The following CDH6 variants were observed in gnomAD, a reference collection of about 807,000 sequenced individuals.
CDH6 encodes cadherin 6.
A neutral mutation model predicts 78.0 loss-of-function variants in CDH6; 31 were observed. That is an observed-to-expected ratio of 0.40 (90% CI 0.30 to 0.54). The LOEUF is 0.54. Among genes scored for constraint, CDH6 ranks in the 20% least tolerant of loss-of-function variants. The pLI is 0.56. For synonymous variants in CDH6, 376 were observed against 368.8 expected (o/e 1.02, Z -0.23); for missense variants, 724 against 975.9 (o/e 0.74, Z 3.44).
At chr5:31,310,356 C>A (rs1257471209) in intron 7 of CDH6, among the ~76,000 whole-genome samples, 1 of 152,258 alleles carries the variant, frequency 6.6e-6, no homozygotes, top group Non-Finnish European at 1.5e-5. Flanking sequence ...CCTTGGGCAG[C>A]TCCATTCCTG....
chr5:31,258,720 C>G (rs1742126335), intron 1 of CDH6, among the ~76,000 whole-genome samples: 2 of 151,990 alleles, frequency 1.3e-5, no homozygotes, highest in South Asian at 2.1e-4. Context: ...TATCCCATTA[C>G]CTGGCACATT....
At chr5:31,249,434 A>G (rs1192778112) in intron 1 of CDH6, 1 of 152,224 alleles carries the variant, frequency 6.6e-6, no homozygotes, top group African/African-American at 2.4e-5. Flanking sequence ...ATGAAATGAA[A>G]CACGTTCATG....
At chr5:31,317,330 T>C (rs1738351539) in intron 9 of CDH6, 45 bp from the exon 10 acceptor site, 2 of 921,148 alleles carry the variant, frequency 2.2e-6, no homozygotes, top group Non-Finnish European at 1.7e-6. Context: ...AGAAACACTT[T>C]TGAGTTATCA....
chr5:31,299,365 G>T (rs867577904), intron 4 of CDH6, 99 bp from the exon 5 acceptor site: 3 of 880,358 alleles, frequency 3.4e-6, no homozygotes, highest in South Asian at 1.7e-5. Flanking sequence ...ATAGCATTTT[G>T]CATATTGTGG....
chr5:31,300,469 A>T (rs936216060), intron 5 of CDH6, among the ~76,000 whole-genome samples: 5 of 152,104 alleles, frequency 3.3e-5, no homozygotes, highest in Non-Finnish European at 5.9e-5. Context: ...TATTTTCTTT[A>T]TTTTTTCAAG....
At chr5:31,237,916 T>C (rs1265936974) in intron 1 of CDH6, among the ~76,000 whole-genome samples, 1 of 152,184 alleles carries the variant, frequency 6.6e-6, no homozygotes, top group Non-Finnish European at 1.5e-5. Context: ...GATCATGAGG[T>C]CTACCCTGCA....
In CDH6 at chr5:31,247,890, C is replaced by A. The variant is rs1579849167; in HGVS notation, c.-128-19456C>A. 2.6e-5 allele frequency among the ~76,000 whole-genome samples: 4 copies of A among 152,240 alleles called. 1 individual carries two copies. In the Middle Eastern group the frequency reaches 0.01, roughly 388 times the overall value. On this transcript the variant is annotated intron_variant, in intron 1 of 11. Transcript: ENST00000265071. ...AAAGGATTCCTGTAAAATTACCCTG[C>A]AGCCCAAATAGAAACAACCAGAGAA...
At position 31,303,785 on chromosome 5, in the gene CDH6, G is replaced by A. The variant is rs74671951; in HGVS notation, c.1000-1389G>A. Among the ~76,000 whole-genome samples the A allele has an allele frequency of 3.3e-3, 499 of 152,042 alleles. 6 individuals are homozygous for A. The South Asian group carries it at 0.042, about 13-fold the overall frequency. On this transcript the variant is annotated intron_variant, in intron 6 of 11. Coordinates refer to ENST00000265071, the MANE Select transcript of CDH6 (RefSeq NM_004932.4). ...TTTTTCCTCCCAAGCTTTGGATTAC[G>A]TGTCTTAATATCTGGAAACACAATA...
chr5:31,198,389 A>G (rs1210260069), intron 1 of CDH6, among the ~76,000 whole-genome samples: 1 of 152,198 alleles, frequency 6.6e-6, no homozygotes, highest in Non-Finnish European at 1.5e-5. Context: ...TTGATTTGTC[A>G]TGTAAATGGG....
intron 1 of CDH6, among the ~76,000 whole-genome samples, chr5:31,262,794 A>G (rs1211166982): frequency 6.6e-6 from 1 of 152,044 alleles, no homozygotes; most frequent in African/African-American, 2.4e-5. Context: ...ACTTCCTGAC[A>G]TCTACAAAAT....
At chr5:31,282,755 G>T (rs933685994) in intron 2 of CDH6, among the ~76,000 whole-genome samples, 1 of 152,156 alleles carries the variant, frequency 6.6e-6, no homozygotes, top group Non-Finnish European at 1.5e-5. Context: ...AAAAATAATT[G>T]TCAAGGGAAT....
rs374097808 is a variant in CDH6 at position 31,268,878 on chromosome 5, C to T, written c.228+1177C>T. On this transcript the variant is annotated intron_variant, in intron 2 of 11. Coordinates refer to ENST00000265071, the MANE Select transcript of CDH6 (RefSeq NM_004932.4). Reference sequence around the variant, plus strand: ...TGGGCTGATGTAACCAGGAAGTATTCCAATGATGTGAATTATTAATGTAGA... The same window carrying T: ...TGGGCTGATGTAACCAGGAAGTATTTCAATGATGTGAATTATTAATGTAGA... Among the ~76,000 whole-genome samples the T allele has an allele frequency of 6.8e-4, 104 of 152,196 alleles. 2 individuals are homozygous for T. The South Asian group carries it at 0.021, about 31-fold the overall frequency.
chr5:31,269,540 A>C lies in CDH6; in HGVS notation c.228+1839A>C, dbSNP rs72749683. On this transcript the variant is annotated intron_variant, in intron 2 of 11. Transcript: ENST00000265071. The stretch of plus-strand genomic sequence containing the variant: ...ATGCCTACCTGGTGGAGTTGCAGTA[A>C]AGTGATAAAGGCACTAGTGACAGGG... Among the ~76,000 whole-genome samples, 1,366 of 152,278 alleles carry C rather than the reference A, an allele frequency of 9.0e-3. 13 individuals carry two copies. Among genetic ancestry groups the C allele is most frequent in the Non-Finnish European group, 0.014 (956 of 68,012 alleles).
At chr5:31,317,642 A>G (rs763988260) in intron 10 of CDH6, 31 bp from the exon 11 acceptor site, 3 of 1,597,474 alleles carry the variant, frequency 1.9e-6, no homozygotes, top group Non-Finnish European at 2.6e-6. Context: ...CAGTATCCAC[A>G]TACATTCACC....
chr5:31,196,385 A>G (rs1195214388), intron 1 of CDH6, among the ~76,000 whole-genome samples: 1 of 152,218 alleles, frequency 6.6e-6, no homozygotes, highest in Non-Finnish European at 1.5e-5. Flanking sequence ...TTTAAAAGGA[A>G]TGAAATGTGA....
chr5:31,208,931 A>G (rs761023075), intron 1 of CDH6, among the ~76,000 whole-genome samples: 18 of 152,206 alleles, frequency 1.2e-4, no homozygotes, highest in Non-Finnish European at 2.4e-4. Flanking sequence ...CCGTCAATGC[A>G]TGGAATAGGA....
chr5:31,304,447 G>A (rs1240976090), intron 6 of CDH6, among the ~76,000 whole-genome samples: 6 of 152,102 alleles, frequency 3.9e-5, no homozygotes, highest in African/African-American at 1.4e-4. Context: ...AGCACTTTGG[G>A]AGGCCGAGGC....
chr5:31,271,244 G>A (rs1167883516), intron 2 of CDH6, among the ~76,000 whole-genome samples: 1 of 152,070 alleles, frequency 6.6e-6, no homozygotes, highest in African/African-American at 2.4e-5. Flanking sequence ...GTGGAGTGAG[G>A]AAAATGAGAG....
At chr5:31,257,402 A>T (rs1032805678) in intron 1 of CDH6, among the ~76,000 whole-genome samples, 8 of 152,124 alleles carry the variant, frequency 5.3e-5, no homozygotes, top group Non-Finnish European at 5.9e-5. Flanking sequence ...TGACCTCGTG[A>T]TCCACCCGTC....
Sources: gnomAD v4.1 joint callset for allele counts (sites outside exome capture counted in the v4.1 genomes callset) on GRCh38, gnomAD v4.1.1 for gene constraint, MANE v1.5 for transcripts, NCBI Gene and HGNC (gene_info 2026-07-23, HGNC 2026-07-21) for gene names.